NBEA: variants seen among roughly 807,000 people sequenced by gnomAD.
NBEA encodes lysosomal-trafficking regulator 2.
Under a neutral mutation model 343.4 loss-of-function variants are expected in NBEA, and 44 were observed. That is an observed-to-expected ratio of 0.13 (90% CI 0.10 to 0.16). The LOEUF is 0.16. Ranked by LOEUF, NBEA falls within the 10% of genes least tolerant of loss-of-function variation. The pLI is 1.00. For missense variants in NBEA, 2,555 were observed against 3,631.3 expected (o/e 0.70, Z 7.62); for synonymous variants, 1,175 against 1,238.7 (o/e 0.95, Z 1.08).
intron 1 of NBEA, among the ~76,000 whole-genome samples, chr13:35,022,711 T>C (rs1181461976): frequency 1.3e-5 from 2 of 152,098 alleles, no homozygotes; most frequent in African/African-American, 4.8e-5. Flanking sequence ...TGAGAAGACA[T>C]GGATTTAAAT....
intron 38 of NBEA, among the ~76,000 whole-genome samples, chr13:35,397,654 T>A (rs1489529263): frequency 1.3e-5 from 2 of 152,156 alleles, no homozygotes; most frequent in Non-Finnish European, 2.9e-5. Context: ...TCCAGACCAC[T>A]ACAATACAGT....
intron 38 of NBEA, among the ~76,000 whole-genome samples, chr13:35,367,174 A>G (rs561391188): frequency 3.3e-5 from 5 of 151,458 alleles, no homozygotes; most frequent in African/African-American, 7.2e-5. Flanking sequence ...TATGTCTAAC[A>G]TAACTGTAAA....
intron 31 of NBEA, among the ~76,000 whole-genome samples, chr13:35,203,322 G>A (rs558914138): frequency 3.0e-4 from 45 of 152,126 alleles, no homozygotes; most frequent in South Asian, 1.7e-3. Flanking sequence ...TGTTACCTCT[G>A]CCTGTGATGC....
At chr13:35,564,450 G>GAT (rs2080034902) in intron 44 of NBEA, among the ~76,000 whole-genome samples, 1 of 151,922 alleles carries the variant, frequency 6.6e-6, no homozygotes, top group South Asian at 2.1e-4. Context: ...CCCAGAAATA[G>GAT]CTCTGTCTAG....
intron 1 of NBEA, among the ~76,000 whole-genome samples, chr13:34,988,899 T>A (rs1227057986): frequency 1.3e-5 from 2 of 151,010 alleles, no homozygotes; most frequent in Non-Finnish European, 1.5e-5. Context: ...ATTGTGACAT[T>A]CAGTCTTTTA....
At chr13:35,342,710 T>G (rs1349204175) in intron 36 of NBEA, among the ~76,000 whole-genome samples, 2 of 152,032 alleles carry the variant, frequency 1.3e-5, no homozygotes, top group African/African-American at 4.8e-5. Context: ...AACTTCATAC[T>G]TATTTAAGTT....
intron 38 of NBEA, among the ~76,000 whole-genome samples, chr13:35,403,556 A>G (rs1358067600): frequency 1.3e-5 from 2 of 152,148 alleles, no homozygotes; most frequent in Non-Finnish European, 2.9e-5. Context: ...AGCCATATGT[A>G]GAAAGCTGAA....
At chr13:35,519,214 G>A (rs1333980515) in intron 41 of NBEA, among the ~76,000 whole-genome samples, 1 of 151,544 alleles carries the variant, frequency 6.6e-6, no homozygotes, top group Non-Finnish European at 1.5e-5. Flanking sequence ...TCTTTGTTTT[G>A]GGGAAAAGTA....
At chr13:35,153,265 C>A (rs991857783) in intron 18 of NBEA, among the ~76,000 whole-genome samples, 1 of 151,996 alleles carries the variant, frequency 6.6e-6, no homozygotes, top group Non-Finnish European at 1.5e-5. Flanking sequence ...GATCTCCTGA[C>A]CTTGTGATCC....
intron 35 of NBEA, among the ~76,000 whole-genome samples, chr13:35,293,275 A>G (rs2035913659): frequency 6.6e-6 from 1 of 152,036 alleles, no homozygotes; most frequent in Non-Finnish European, 1.5e-5. Flanking sequence ...TTTGTGGAAA[A>G]CATATTTAAG....
chr13:35,035,118 C>T (rs2062390990), intron 1 of NBEA, among the ~76,000 whole-genome samples: 1 of 151,420 alleles, frequency 6.6e-6, no homozygotes, highest in Non-Finnish European at 1.5e-5. Context: ...ATTTGATTGT[C>T]TGTTTGATAT....
chr13:35,483,308 G>A (rs145223172), intron 41 of NBEA, among the ~76,000 whole-genome samples: 2 of 151,908 alleles, frequency 1.3e-5, no homozygotes, highest in South Asian at 2.1e-4. Flanking sequence ...CAACATTTGA[G>A]GCATATTTGT....
intron 6 of NBEA, among the ~76,000 whole-genome samples, chr13:35,053,926 G>T (rs866050276): frequency 6.6e-6 from 1 of 152,006 alleles, no homozygotes; most frequent in Admixed American, 6.6e-5. Context: ...TAAGTAATTT[G>T]CCAAAAGCCA....
At chr13:34,996,770 C>CGT (rs1365281625) in intron 1 of NBEA, among the ~76,000 whole-genome samples, 2 of 151,120 alleles carry the variant, frequency 1.3e-5, no homozygotes, top group Non-Finnish European at 3.0e-5. Context: ...TGTGTGTGTG[C>CGT]GTGTGTGTGT....
In NBEA at chr13:35,349,143, G is replaced by A. The variant is rs775542889; in HGVS notation, c.5939G>A (p.Arg1980His). 8 of 1,607,080 alleles carry A rather than the reference G, an allele frequency of 5.0e-6. No individual in the cohort carries two copies. The highest frequency in any genetic ancestry group is 2.7e-5 in the African/African-American group (2 of 74,792). ...LCHAMKDHIV[R>H]VANEAEFILN... ...CATGCTATGAAGGACCATATAGTCC[G>A]TGTTGCAAATGAAGCTGAGTTTATT... The change falls in exon 37 of 59, where the codon CGT becomes CAT. Residue 1980 changes from arginine (R) to histidine (H), a missense_variant. Physicochemically the swap from Arg to His is conservative, Grantham distance 29. Coordinates refer to ENST00000379939, the MANE Select transcript of NBEA (RefSeq NM_001385012.1).
rs552596209 is a variant in NBEA at position 35,013,403 on chromosome 13, C to T, written c.295-27530C>T. Among the ~76,000 whole-genome samples the T allele has an allele frequency of 1.2e-3, 186 of 151,870 alleles. 1 individual carries two copies. The highest frequency in any genetic ancestry group is 4.2e-3 in the African/African-American group (173 of 41,456). On this transcript the variant is annotated intron_variant, in intron 1 of 58. Transcript: ENST00000379939. Reference sequence around the variant, plus strand: ...TTTATAAGCCCACAGCTCAGAGATACACTTCGGACATATTTCACTTTAGTT... The same window carrying T: ...TTTATAAGCCCACAGCTCAGAGATATACTTCGGACATATTTCACTTTAGTT...
At chr13:35,571,712 C>T (rs573666076) in intron 45 of NBEA, among the ~76,000 whole-genome samples, 8 of 148,626 alleles carry the variant, frequency 5.4e-5, no homozygotes, top group African/African-American at 2.0e-4. Context: ...ATTTTTTATT[C>T]TAGTAAGATT....
In NBEA at chr13:34,970,312, G is replaced by A. The variant is rs141653194; in HGVS notation, c.294+27198G>A. On this transcript the variant is annotated intron_variant, in intron 1 of 58. Coordinates refer to ENST00000379939, the MANE Select transcript of NBEA (RefSeq NM_001385012.1). ...GCTGGATATGAGACCTTTGTAAGAT[G>A]CATGGTTTGTAAAATTTTCTCCCAT... Among the ~76,000 whole-genome samples the A allele has an allele frequency of 3.6e-3, 550 of 152,074 alleles. 6 individuals are homozygous for A. Among genetic ancestry groups the A allele is most frequent in the African/African-American group, 0.013 (522 of 41,498 alleles).
chr13:35,308,085 A>G (rs1294640063), intron 35 of NBEA, among the ~76,000 whole-genome samples: 5 of 151,930 alleles, frequency 3.3e-5, no homozygotes, highest in African/African-American at 1.2e-4. Context: ...AATTCAGCAC[A>G]CATTTACTTA....
Sources: gnomAD v4.1 joint callset for allele counts (sites outside exome capture counted in the v4.1 genomes callset) on GRCh38, gnomAD v4.1.1 for gene constraint, MANE v1.5 for transcripts, NCBI Gene and HGNC (gene_info 2026-07-23, HGNC 2026-07-21) for gene names.